Variants in ZNF385A observed in about 807,000 individuals in gnomAD.
ZNF385A encodes zinc finger protein 385A.
A neutral mutation model predicts 32.1 loss-of-function variants in ZNF385A; 14 were observed. The ratio of observed to expected loss-of-function variants is 0.44; its 90% confidence interval spans 0.29 to 0.68. The LOEUF is 0.68. ZNF385A is among the 30% of genes least tolerant of loss of function. The pLI, the probability that ZNF385A is intolerant of heterozygous loss-of-function variation, is 0.14. For synonymous variants in ZNF385A, 197 were observed against 202.7 expected (o/e 0.97, Z 0.24); for missense variants, 406 against 478.4 (o/e 0.85, Z 1.41).
intron 1 of ZNF385A, chr12:54,381,351 A>G (rs539824547): frequency 1.3e-5 from 2 of 152,332 alleles, no homozygotes; most frequent in East Asian, 3.9e-4. Flanking sequence ...TGCCAATCAG[A>G]TGCAGGATGC....
At position 54,371,102 on chromosome 12, in the gene ZNF385A, G is replaced by T; in HGVS notation, c.605-6C>A. 1 of 1,589,724 alleles carries T rather than the reference G, an allele frequency of 6.3e-7. No homozygotes were observed. The highest frequency in any genetic ancestry group is 1.1e-5 in the South Asian group (1 of 87,442). On this transcript the variant is annotated splice_region_variant and splice_polypyrimidine_tract_variant and intron_variant, in intron 4 of 6. Coordinates refer to ENST00000394313, the MANE Select transcript of ZNF385A (RefSeq NM_015481.3). ...AATTGTCTTGTGCTTAGTACCTGGA[G>T]CCCAGAGAGGGCAGGAGGTAAGGGG... is the stretch of plus-strand genomic sequence containing the variant.
chr12:54,391,174 G>A, intron 1 of ZNF385A: 3 of 1,464,750 alleles, frequency 2.0e-6, no homozygotes, highest in Non-Finnish European at 2.7e-6. Flanking sequence ...GAGGGGGGCG[G>A]TGGGTGACCC....
At chr12:54,377,359 T>G (rs1040722814) in intron 1 of ZNF385A, among the ~76,000 whole-genome samples, 3 of 152,142 alleles carry the variant, frequency 2.0e-5, no homozygotes, top group African/African-American at 7.2e-5. Context: ...GAAGCCTCTC[T>G]AAGGGCTCAC....
At chr12:54,388,454 G>A (rs1565632949), upstream of ZNF385A, among the ~76,000 whole-genome samples, 1 of 152,170 alleles carries the variant, frequency 6.6e-6, no homozygotes, top group East Asian at 1.9e-4. Flanking sequence ...GCTATTTTAG[G>A]TGGGGCCTCA....
In ZNF385A at chr12:54,379,273, G is replaced by GGGGACA. The variant is rs758049286; in HGVS notation, c.88-3325_88-3320dup. On this transcript the variant is annotated intron_variant, in intron 1 of 6. Transcript: ENST00000394313. ...CGGAGGCGGGGCCGAGGACGGGGGC[G>GGGGACA]GGGACAGGGACAGGGACAGGGACAG... 4.1e-3 allele frequency: 3,503 copies of GGGGACA among 854,722 alleles called. 24 individuals carry two copies. Among genetic ancestry groups the GGGGACA allele is most frequent in the Admixed American group, 8.8e-3 (142 of 16,154 alleles). 52.9% of individuals were successfully genotyped at this position (854,722 alleles called of 1,614,324 possible). A position where few individuals can be genotyped will look rare whatever the true frequency, so the allele number is the denominator to read the frequency against.
chr12:54,384,842 C>A, upstream of ZNF385A: 1 of 1,178,182 alleles, frequency 8.5e-7, no homozygotes, highest in Non-Finnish European at 1.0e-6. Flanking sequence ...CATTACAGAC[C>A]CAGTAAGAGC....
rs781474169 is a variant in ZNF385A, at chr12:54,370,500, A to G, written c.871-14T>C. The G allele has an allele frequency of 1.9e-6, 3 of 1,551,048 alleles. No homozygotes were observed. The South Asian group carries it at 3.6e-5, about 18-fold the overall frequency. ...AGTCAGCGTGCCCTGAAGCGGGCGA[A>G]AGGCGGAGGAAGAGAAGTCACCCGG... On this transcript the variant is annotated splice_polypyrimidine_tract_variant and intron_variant, in intron 6 of 6. Transcript: ENST00000394313. This position sits in a 1 kb window ranked among gnomAD's most constrained non-coding sequence, Gnocchi z 5.5.
rs1954502429 is a variant in ZNF385A, at chr12:54,370,808, C to T, written c.775-87G>A. 1.9e-6 allele frequency: 3 copies of T among 1,595,322 alleles called. No homozygotes were observed. The highest frequency in any genetic ancestry group is 2.6e-6 in the Non-Finnish European group (3 of 1,171,302). On this transcript the variant is annotated intron_variant, in intron 5 of 6. Transcript: ENST00000394313. The surrounding 1 kb of genome is among the most constrained non-coding windows in gnomAD (Gnocchi z 5.5). ...TAATCAAGCTCCAAGCACCGGCCCC[C>T]TCCCATCTGGCCCCCTGGGGAAAAC...
upstream of ZNF385A, among the ~76,000 whole-genome samples, chr12:54,386,687 C>T (rs1011363390): frequency 6.6e-6 from 1 of 152,172 alleles, no homozygotes; most frequent in African/African-American, 2.4e-5. Flanking sequence ...GGCACTTGCC[C>T]TGCCCCAGAG....
At position 54,375,925 on chromosome 12, in the gene ZNF385A, G is replaced by A. The variant is rs550128131; in HGVS notation, c.117C>T (p.Ser39=). 8 of 1,614,152 alleles carry A rather than the reference G, an allele frequency of 5.0e-6. No homozygotes were observed. The South Asian group carries it at 8.8e-5, about 18-fold the overall frequency. Residue 39 remains serine, a synonymous_variant, in exon 2 of 7, where the codon TCC becomes TCT. Coordinates refer to ENST00000394313, the MANE Select transcript of ZNF385A (RefSeq NM_015481.3). ...TMDPVQKAVL[S]HTFGGPLLKT... is the part of the protein sequence containing the mutation. Reference sequence around the variant, plus strand: ...TGAGCAAGGGTCCCCCAAAAGTGTGGGAGAGCACAGCCTTCTGCACAGGGT... The same window carrying A: ...TGAGCAAGGGTCCCCCAAAAGTGTGAGAGAGCACAGCCTTCTGCACAGGGT...
chr12:54,373,793 T>G, intron 3 of ZNF385A, among the ~76,000 whole-genome samples, 180 bp downstream of exon 3: 1 of 150,686 alleles, frequency 6.6e-6, no homozygotes, highest in Non-Finnish European at 1.5e-5. Flanking sequence ...GTGGTGGGGG[T>G]AAGGGTGACA....
At position 54,370,216 on chromosome 12, in the gene ZNF385A, T is replaced by A; in HGVS notation, c.*40A>T. On this transcript the variant is annotated 3_prime_UTR_variant, in exon 7 of 7. Transcript: ENST00000394313. The surrounding 1 kb of genome is among the most constrained non-coding windows in gnomAD (Gnocchi z 5.5). The stretch of plus-strand genomic sequence containing the variant: ...GGAGCCCGGACGCCTGGGTCCCGGC[T>A]GGAGGTGGGGAGTTGAATGGGAGGG... The A allele has an allele frequency of 2.2e-6, 3 of 1,389,112 alleles. No individual in the cohort carries two copies. Among genetic ancestry groups the A allele is most frequent in the Non-Finnish European group, 2.8e-6 (3 of 1,063,240 alleles). The allele number at this position is 1,389,112 out of a possible 1,614,324, so 86.0% of individuals were successfully genotyped here.
upstream of ZNF385A, among the ~76,000 whole-genome samples, chr12:54,389,480 T>C (rs1955580801): frequency 6.6e-6 from 1 of 152,144 alleles, no homozygotes; most frequent in South Asian, 2.1e-4. Flanking sequence ...AATTACAGTG[T>C]CCTCCAGGGG....
At chr12:54,374,751 T>G (rs535885992) in intron 2 of ZNF385A, among the ~76,000 whole-genome samples, 54 of 150,230 alleles carry the variant, frequency 3.6e-4, no homozygotes, top group African/African-American at 1.1e-3. Context: ...GAGGGGAGGG[T>G]AGGGCAAAAA....
chr12:54,374,150 G>A lies in ZNF385A; in HGVS notation c.199-15C>T. Reference sequence around the variant, plus strand: ...TCAGCCTGGCTCTTTAGGGATGGAGGAAGAAAATGGAATCTGAGATCACCT... The same window carrying A: ...TCAGCCTGGCTCTTTAGGGATGGAGAAAGAAAATGGAATCTGAGATCACCT... On this transcript the variant is annotated splice_polypyrimidine_tract_variant and intron_variant, in intron 2 of 6. Coordinates refer to ENST00000394313, the MANE Select transcript of ZNF385A (RefSeq NM_015481.3). 1 of 1,485,954 alleles carries A rather than the reference G, an allele frequency of 6.7e-7. No homozygotes were observed. Among genetic ancestry groups the A allele is most frequent in the Non-Finnish European group, 9.0e-7 (1 of 1,107,664 alleles). The allele number at this position is 1,485,954 out of a possible 1,614,324, so 92.0% of individuals were successfully genotyped here. A position where few individuals can be genotyped will look rare whatever the true frequency, so the allele number is the denominator to read the frequency against.
intron 1 of ZNF385A, among the ~76,000 whole-genome samples, chr12:54,378,287 T>G (rs1954945463): frequency 6.6e-6 from 1 of 152,132 alleles, no homozygotes; most frequent in African/African-American, 2.4e-5. Context: ...GTGACCTAGA[T>G]GAGGGCTCCC....
At position 54,370,485 on chromosome 12, in the gene ZNF385A, C is replaced by G. The variant is rs1014010408; in HGVS notation, c.872G>C (p.Gly291Ala). 1.3e-6 allele frequency: 2 copies of G among 1,551,122 alleles called. No individual in the cohort carries two copies. Among genetic ancestry groups the G allele is most frequent in the African/African-American group, 2.7e-5 (2 of 73,026 alleles). Residue 291 changes from glycine to alanine, a missense_variant and splice_region_variant, in exon 7 of 7, where the codon GGC (glycine) becomes GCC (alanine). Transcript: ENST00000394313. This position sits in a 1 kb window ranked among gnomAD's most constrained non-coding sequence, Gnocchi z 5.5. The stretch of plus-strand genomic sequence containing the variant: ...CAGCTCCTTGGAGAAAGTCAGCGTG[C>G]CCTGAAGCGGGCGAAAGGCGGAGGA... ...KKSRGAGELA[G>A]TLTFSKELPK...
chr12:54,386,677 GGCACTTGCC>G (rs1379787736), upstream of ZNF385A, among the ~76,000 whole-genome samples: 7 of 152,180 alleles, frequency 4.6e-5, no homozygotes, highest in East Asian at 1.3e-3. Flanking sequence ...GTTTTGGGCT[GGCACTTGCC>G]CTGCCCCAGA....
intron 1 of ZNF385A, among the ~76,000 whole-genome samples, chr12:54,380,151 G>A (rs941368629): frequency 6.6e-6 from 1 of 152,226 alleles, no homozygotes; most frequent in African/African-American, 2.4e-5. Flanking sequence ...AACTGCCCAA[G>A]TAGGAGAGAG....
Sources: allele counts gnomAD v4.1 joint callset (sites outside exome capture counted in the v4.1 genomes callset), GRCh38; gene constraint gnomAD v4.1.1; non-coding constraint Gnocchi (gnomAD v3.1); transcripts MANE v1.5; gene names NCBI Gene and HGNC (gene_info 2026-07-23, HGNC 2026-07-21).